PRKN: variants seen among roughly 807,000 people sequenced by gnomAD.
The protein encoded by PRKN is E3 ubiquitin-protein ligase parkin.
Under a neutral mutation model 59.5 loss-of-function variants are expected in PRKN, and 56 were observed. That is an observed-to-expected ratio of 0.94 (90% CI 0.76 to 1.18). The LOEUF is 1.18. Ranked by LOEUF, PRKN falls within the 50% of genes most tolerant of loss-of-function variation. The pLI, the probability that PRKN is intolerant of heterozygous loss-of-function variation, is 0.00. For missense variants in PRKN, 657 were observed against 596.4 expected, an observed-to-expected ratio of 1.10 and a Z score of -1.06; for synonymous variants, 250 against 222.1, an observed-to-expected ratio of 1.13 and a Z score of -1.12.
chr6:161,540,949 G>A (rs930603794), intron 9 of PRKN, among the ~76,000 whole-genome samples: 1 of 152,190 alleles, frequency 6.6e-6, no homozygotes, highest in Admixed American at 6.5e-5. Flanking sequence ...CCCGTACTCT[G>A]GAAAATGCTG....
At chr6:162,264,191 T>G (rs995327465) in intron 2 of PRKN, among the ~76,000 whole-genome samples, 3 of 152,040 alleles carry the variant, frequency 2.0e-5, no homozygotes, top group African/African-American at 7.2e-5. Flanking sequence ...ACAAGATAAT[T>G]GCTTGAACCT....
chr6:162,562,414 C>A (rs1779881165), intron 1 of PRKN, among the ~76,000 whole-genome samples: 1 of 152,152 alleles, frequency 6.6e-6, no homozygotes, highest in Non-Finnish European at 1.5e-5. Context: ...AGTTCCAGGA[C>A]TTGACCCTTG....
rs149794075 is a variant in PRKN at position 161,975,845 on chromosome 6, G to A, written c.619-2428C>T. On this transcript the variant is annotated intron_variant, in intron 5 of 11. Coordinates refer to ENST00000366898, the MANE Select transcript of PRKN (RefSeq NM_004562.3). ...CCGCTGCTGTGGCAGGTCGCTTACC[G>A]TGTCTGAAAATAATGCTACATCTTA... is the stretch of plus-strand genomic sequence containing the variant. Among the ~76,000 whole-genome samples the A allele has an allele frequency of 2.6e-3, 390 of 152,250 alleles. 1 individual carries two copies. The highest frequency in any genetic ancestry group is 7.7e-3 in the Admixed American group (118 of 15,292).
chr6:161,478,733 C>T (rs1791246528), intron 9 of PRKN, among the ~76,000 whole-genome samples: 1 of 152,152 alleles, frequency 6.6e-6, no homozygotes, highest in African/African-American at 2.4e-5. Context: ...GTAGTCCCAG[C>T]TACTCAGGAG....
intron 5 of PRKN, among the ~76,000 whole-genome samples, chr6:162,007,814 C>T (rs1259703639): frequency 2.6e-5 from 4 of 152,060 alleles, no homozygotes; most frequent in Non-Finnish European, 4.4e-5. Flanking sequence ...TAACTTCATT[C>T]CACAAACACT....
At chr6:161,673,508 G>A (rs1368647427) in intron 7 of PRKN, among the ~76,000 whole-genome samples, 3 of 152,204 alleles carry the variant, frequency 2.0e-5, no homozygotes, top group Admixed American at 2.0e-4. Flanking sequence ...ACATTGGCCA[G>A]GCACCCATTT....
intron 6 of PRKN, among the ~76,000 whole-genome samples, chr6:161,930,939 C>A (rs1052213253): frequency 6.6e-6 from 1 of 152,228 alleles, no homozygotes; most frequent in African/African-American, 2.4e-5. Context: ...GAAATGGACT[C>A]TCCCTGAGAG....
chr6:162,558,272 C>T (rs1228623356), intron 1 of PRKN, among the ~76,000 whole-genome samples: 1 of 151,746 alleles, frequency 6.6e-6, no homozygotes. Context: ...ATTCCGGATT[C>T]CCCATATTAT....
At chr6:161,996,549 C>T (rs1280233654) in intron 5 of PRKN, among the ~76,000 whole-genome samples, 1 of 152,060 alleles carries the variant, frequency 6.6e-6, no homozygotes, top group Non-Finnish European at 1.5e-5. Flanking sequence ...TCTTTATTTT[C>T]CCCAATTTTT....
intron 1 of PRKN, among the ~76,000 whole-genome samples, chr6:162,650,597 C>CAAAAAAAAAAAAAA (rs142452684): frequency 1.0e-5 from 1 of 95,370 alleles, no homozygotes. Flanking sequence ...GACTCCGTCT[C>CAAAAAAAAAAAAAA]AAAAAAAAAA....
intron 9 of PRKN, among the ~76,000 whole-genome samples, chr6:161,516,497 G>GAAAGAAGA (rs1554270354): frequency 1.3e-5 from 1 of 77,336 alleles, no homozygotes; most frequent in Non-Finnish European, 2.4e-5. Context: ...AAAAAAAGAA[G>GAAAGAAGA]AAGAAGAAAG....
intron 1 of PRKN, among the ~76,000 whole-genome samples, chr6:162,520,212 T>C (rs1402318555): frequency 6.6e-6 from 1 of 152,200 alleles, no homozygotes; most frequent in Non-Finnish European, 1.5e-5. Flanking sequence ...TTCTAAGACA[T>C]CTACACTATG....
chr6:162,606,579 T>G (rs1001785857), intron 1 of PRKN, among the ~76,000 whole-genome samples: 1 of 152,080 alleles, frequency 6.6e-6, no homozygotes, highest in Admixed American at 6.6e-5. Flanking sequence ...AGATGATTGA[T>G]TGGACTAGGG....
At chr6:162,411,391 C>G (rs1788348491) in intron 2 of PRKN, among the ~76,000 whole-genome samples, 1 of 152,062 alleles carries the variant, frequency 6.6e-6, no homozygotes, top group African/African-American at 2.4e-5. Flanking sequence ...ACCACTTAGA[C>G]AGCACAGTAT....
At chr6:161,972,308 T>C (rs1206119234) in intron 6 of PRKN, among the ~76,000 whole-genome samples, 2 of 151,552 alleles carry the variant, frequency 1.3e-5, no homozygotes, top group South Asian at 4.2e-4. Flanking sequence ...CTTCCTGATA[T>C]GAGGGCTAAG....
At chr6:161,847,723 A>G (rs1356879967) in intron 6 of PRKN, among the ~76,000 whole-genome samples, 2 of 152,162 alleles carry the variant, frequency 1.3e-5, no homozygotes, top group African/African-American at 2.4e-5. Context: ...TTCAAAATTA[A>G]TTGTTGACAA....
At chr6:162,566,046 T>C (rs983312729) in intron 1 of PRKN, among the ~76,000 whole-genome samples, 2 of 152,118 alleles carry the variant, frequency 1.3e-5, no homozygotes, top group Non-Finnish European at 2.9e-5. Flanking sequence ...ACTTTAAATA[T>C]ATATGCACCC....
chr6:162,470,317 C>T (rs1322540117), intron 1 of PRKN, among the ~76,000 whole-genome samples: 2 of 152,164 alleles, frequency 1.3e-5, no homozygotes, highest in African/African-American at 2.4e-5. Context: ...CTGTTTTAGG[C>T]ACCGTGGACA....
intron 7 of PRKN, among the ~76,000 whole-genome samples, chr6:161,690,123 G>A (rs1453295375): frequency 6.6e-6 from 1 of 152,134 alleles, no homozygotes; most frequent in African/African-American, 2.4e-5. Context: ...TACACTGTAA[G>A]GTGGATCCTA....
Sources: gnomAD v4.1 joint callset for allele counts (sites outside exome capture counted in the v4.1 genomes callset) on GRCh38, gnomAD v4.1.1 for gene constraint, MANE v1.5 for transcripts, NCBI Gene and HGNC (gene_info 2026-07-23, HGNC 2026-07-21) for gene names.